The following BYSL variants were observed in gnomAD, a reference collection of about 807,000 sequenced individuals.
BYSL encodes the protein bystin like.
In BYSL, 21 loss-of-function variants were observed where a neutral mutation model predicts 45.4. The observed-to-expected ratio is 0.46, with a 90% CI of 0.33 to 0.67. BYSL has a LOEUF of 0.67. Ranked by LOEUF, BYSL falls within the 30% of genes least tolerant of loss-of-function variation. BYSL has a pLI of 0.02. For missense variants in BYSL, 522 were observed against 578.5 expected (o/e 0.90, Z 1.00); for synonymous variants, 215 against 231.3 (o/e 0.93, Z 0.64).
the BYSL span, among the ~76,000 whole-genome samples, chr6:41,915,488 A>G: frequency 6.9e-6 from 1 of 144,132 alleles, no homozygotes; most frequent in Non-Finnish European, 1.5e-5. Flanking sequence ...GCAAGACTCT[A>G]TCTCTTAAAA....
chr6:41,929,054 A>G (rs1054516333), intron 2 of BYSL, among the ~76,000 whole-genome samples: 2 of 152,242 alleles, frequency 1.3e-5, no homozygotes, highest in Non-Finnish European at 2.9e-5. Flanking sequence ...GGCACGTACC[A>G]CCACGCCTGG....
the BYSL span, among the ~76,000 whole-genome samples, chr6:41,912,056 T>C: frequency 1.3e-4 from 20 of 151,206 alleles, no homozygotes; most frequent in Non-Finnish European, 2.7e-4. Context: ...TTTTCTTCTT[T>C]TTTTTTTTTT....
chr6:41,910,093 C>T, the BYSL span, among the ~76,000 whole-genome samples: 32 of 152,142 alleles, frequency 2.1e-4, no homozygotes, highest in South Asian at 6.4e-3. Flanking sequence ...ATCTACCATG[C>T]CTCAAGAAGT....
upstream of BYSL, chr6:41,917,273 G>A (rs1048705181): frequency 1.7e-5 from 3 of 177,280 alleles, no homozygotes; most frequent in African/African-American, 4.8e-5. Context: ...GGTAGCGGAC[G>A]CCTGTAATCC....
intron 1 of BYSL, among the ~76,000 whole-genome samples, chr6:41,924,082 GAC>G (rs983924733): frequency 6.9e-6 from 1 of 144,046 alleles, no homozygotes; most frequent in African/African-American, 2.6e-5. Flanking sequence ...TTTTTTTTGA[GAC>G]AGAGTCTCGC....
chr6:41,909,552 C>A, the BYSL span: 1 of 1,606,276 alleles, frequency 6.2e-7, no homozygotes, highest in Non-Finnish European at 8.5e-7. Flanking sequence ...TATTCATCAT[C>A]AAGACTTTCA....
At chr6:41,931,664 C>T in intron 5 of BYSL, 64 bp from the exon 6 acceptor site, 1 of 1,605,802 alleles carries the variant, frequency 6.2e-7, no homozygotes, top group South Asian at 1.1e-5. Context: ...GGTGGGAATG[C>T]TTCCTGCTGT....
At chr6:41,922,986 G>C (rs535098158) in intron 1 of BYSL, among the ~76,000 whole-genome samples, 9 of 152,122 alleles carry the variant, frequency 5.9e-5, no homozygotes, top group African/African-American at 2.2e-4. Context: ...TGATCTGTAA[G>C]GAAATTCTGA....
At chr6:41,929,069 TTTTTG>T (rs1423735895) in intron 2 of BYSL, among the ~76,000 whole-genome samples, 4 of 152,178 alleles carry the variant, frequency 2.6e-5, no homozygotes, top group South Asian at 2.1e-4. Context: ...GCCTGGCTAA[TTTTTG>T]TTTTATTAGT....
intron 2 of BYSL, among the ~76,000 whole-genome samples, chr6:41,929,301 C>T (rs1196926204): frequency 6.6e-6 from 1 of 152,092 alleles, no homozygotes; most frequent in African/African-American, 2.4e-5. Context: ...AGTGTGAGAC[C>T]AGCCTGGGCA....
At chr6:41,918,530 T>C (rs1775373874), upstream of BYSL, among the ~76,000 whole-genome samples, 1 of 142,684 alleles carries the variant, frequency 7.0e-6, no homozygotes, top group African/African-American at 2.6e-5. Flanking sequence ...AAGACGAAAC[T>C]TGGCCAGGCA....
At chr6:41,912,221 T>TG in the BYSL span, among the ~76,000 whole-genome samples, 850 of 146,858 alleles carry the variant, frequency 5.8e-3, 3 homozygotes, top group African/African-American at 0.021. Context: ...TTTTTTTTTT[T>TG]GTAAAGATGA....
chr6:41,908,879 T>G, the BYSL span: 1 of 247,990 alleles, frequency 4.0e-6, no homozygotes, highest in Non-Finnish European at 7.7e-6. Flanking sequence ...GGCATAAATA[T>G]CTGTTTAAAT....
chr6:41,926,383 C>T (rs922097438), intron 1 of BYSL, among the ~76,000 whole-genome samples: 2 of 152,116 alleles, frequency 1.3e-5, no homozygotes, highest in Non-Finnish European at 2.9e-5. Context: ...GTATCCACTT[C>T]TTGGGTTTAT....
chr6:41,930,561 C>G, intron 3 of BYSL, 74 bp from the exon 4 acceptor site: 1 of 1,526,166 alleles, frequency 6.6e-7, no homozygotes, highest in Non-Finnish European at 8.8e-7. Context: ...TAAAAGCACC[C>G]AGACAAGTTC....
chr6:41,929,007 C>T (rs1775600176), intron 2 of BYSL, among the ~76,000 whole-genome samples: 1 of 152,150 alleles, frequency 6.6e-6, no homozygotes, highest in Non-Finnish European at 1.5e-5. Context: ...GATCTCAGCT[C>T]ACTGCAACCT....
In BYSL at chr6:41,932,792, T is replaced by C. The variant is rs567064769; in HGVS notation, c.*86T>C. On this transcript the variant is annotated 3_prime_UTR_variant, in exon 7 of 7. Transcript: ENST00000230340. The surrounding 1 kb of genome is among the most constrained non-coding windows in gnomAD (Gnocchi z 4.7). ...GACTGAAGATGACACTGAGCTTTAA[T>C]GGCTGAAGACCCAGATCAGGGCAGT... The C allele has an allele frequency of 2.9e-6, 4 of 1,374,176 alleles. No homozygotes were observed. The South Asian group carries it at 4.2e-5, about 14-fold the overall frequency. The allele number at this position is 1,374,176 out of a possible 1,614,324, so 85.1% of individuals were successfully genotyped here. A position where few individuals can be genotyped will look rare whatever the true frequency, so the allele number is the denominator to read the frequency against.
chr6:41,911,106 CAAA>C, the BYSL span, among the ~76,000 whole-genome samples: 2 of 111,818 alleles, frequency 1.8e-5, no homozygotes, highest in Admixed American at 9.3e-5. Flanking sequence ...GACTCCATCT[CAAA>C]AAAAAAAAAA....
chr6:41,920,989 C>A (rs759145747), upstream of BYSL: 14 of 1,610,090 alleles, frequency 8.7e-6, no homozygotes, highest in East Asian at 2.3e-5. Context: ...CCCCACAAAA[C>A]CCCCTGCAGT....
Sources: gnomAD v4.1 joint callset for allele counts (sites outside exome capture counted in the v4.1 genomes callset) on GRCh38, gnomAD v4.1.1 for gene constraint, Gnocchi (gnomAD v3.1) non-coding constraint, MANE v1.5 for transcripts, NCBI Gene and HGNC (gene_info 2026-07-23, HGNC 2026-07-21) for gene names.